The following APOBEC3F variants were observed in gnomAD, a reference collection of about 807,000 sequenced individuals.
The protein encoded by APOBEC3F is apolipoprotein B mRNA editing enzyme catalytic subunit 3F.
APOBEC3F carries 34 observed loss-of-function variants against 45.8 expected under a neutral mutation model. That is an observed-to-expected ratio of 0.74 (90% confidence interval 0.57 to 0.99). The LOEUF is 0.99. APOBEC3F is among the 50% of genes least tolerant of loss of function. The pLI is 0.00. For missense variants in APOBEC3F, 459 were observed against 474.1 expected (o/e 0.97, Z 0.30); for synonymous variants, 192 against 174.4 (o/e 1.10, Z -0.80).
intron 6 of APOBEC3F, 86 bp from the exon 7 acceptor site, chr22:39,052,491 C>T: frequency 6.4e-7 from 1 of 1,568,476 alleles, no homozygotes; most frequent in Non-Finnish European, 8.6e-7. Context: ...AACTGGCAGT[C>T]AGGAGACCTG....
rs1927602682 is a variant in APOBEC3F, at chr22:39,053,682, A to G, written c.*987A>G. ...GTTGAAATGGGTATGTAAGTTGAAA[A>G]CCAGAAGTTTTGAGAAACATCCTTT... is the stretch of plus-strand genomic sequence containing the variant. On this transcript the variant is annotated 3_prime_UTR_variant, in exon 7 of 7. Coordinates refer to ENST00000308521, the MANE Select transcript of APOBEC3F (RefSeq NM_145298.6). 1 of 152,170 alleles carries G rather than the reference A, an allele frequency of 6.6e-6. No homozygotes were observed. The highest frequency in any genetic ancestry group is 2.4e-5 in the African/African-American group (1 of 41,418). 9.4% of individuals were successfully genotyped at this position (152,170 alleles called of 1,614,324 possible).
At chr22:39,052,387 G>T (rs367554051) in intron 6 of APOBEC3F, 34 bp downstream of exon 6, 2 of 1,609,522 alleles carry the variant, frequency 1.2e-6, no homozygotes, top group African/African-American at 2.7e-5. Flanking sequence ...GAGTGGGTGC[G>T]GGAGGGACAG....
chr22:39,045,376 G>C (rs372970153), intron 3 of APOBEC3F, 52 bp from the exon 4 acceptor site: 2 of 1,613,150 alleles, frequency 1.2e-6, no homozygotes, highest in Non-Finnish European at 1.7e-6. Flanking sequence ...GCCTGGGAGC[G>C]CGGGCCCAGG....
rs1158533275 is a variant in APOBEC3F at position 39,054,175 on chromosome 22, G to C, written c.*1480G>C. On this transcript the variant is annotated 3_prime_UTR_variant, in exon 7 of 7. Transcript: ENST00000308521. ...TTACAGGCGTCCACCACCAAACCAG[G>C]CTAATTTTTGTATTTTTCATAAAAA... Among the ~76,000 whole-genome samples the C allele has an allele frequency of 6.6e-6, 1 of 151,884 alleles. No homozygotes were observed. The highest frequency in any genetic ancestry group is 2.4e-5 in the African/African-American group (1 of 41,344).
chr22:39,041,040 T>C, intron 1 of APOBEC3F, 63 bp downstream of exon 1: 1 of 1,557,300 alleles, frequency 6.4e-7, no homozygotes, highest in Non-Finnish European at 8.7e-7. Context: ...GTGGCTCTGC[T>C]GGGCGTCAGC....
intron 6 of APOBEC3F, 99 bp from the exon 7 acceptor site, chr22:39,052,478 T>C: frequency 6.4e-7 from 1 of 1,568,398 alleles, no homozygotes; most frequent in East Asian, 2.2e-5. Context: ...CAGTGTCCAC[T>C]GCAACTGGCA....
intron 3 of APOBEC3F, 82 bp downstream of exon 3, chr22:39,045,302 G>T: frequency 6.3e-7 from 1 of 1,595,202 alleles, no homozygotes; most frequent in South Asian, 1.1e-5. Context: ...ATGGCTGGGG[G>T]TGTCCCAGGG....
At chr22:39,046,208 C>G (rs564483559) in intron 4 of APOBEC3F, among the ~76,000 whole-genome samples, 9 of 152,258 alleles carry the variant, frequency 5.9e-5, no homozygotes, top group Admixed American at 6.5e-5. Flanking sequence ...TTTATGGACC[C>G]CAGTCAGACA....
chr22:39,049,548 T>C lies in APOBEC3F; in HGVS notation c.690T>C (p.Pro230=), dbSNP rs778451997. 5 of 1,613,958 alleles carry C rather than the reference T, an allele frequency of 3.1e-6. No homozygotes were observed. Among genetic ancestry groups the C allele is most frequent in the Non-Finnish European group, 4.2e-6 (5 of 1,180,024 alleles). The part of the protein sequence containing the change: ...FTMEVVKHHS[P]VSWKRGVFRN... ...TGGAAGTTGTAAAGCACCACTCACC[T>C]GTCTCCTGGAAGAGGGGCGTCTTCC... is the stretch of plus-strand genomic sequence containing the variant. Residue 230 remains proline (P), a synonymous_variant, in exon 5 of 7, where the codon CCT becomes CCC. Transcript: ENST00000308521.
chr22:39,043,008 G>A lies in APOBEC3F; in HGVS notation c.89G>A (p.Arg30Gln), dbSNP rs1326161089. The A allele has an allele frequency of 3.1e-6, 5 of 1,614,028 alleles. No homozygotes were observed. Among genetic ancestry groups the A allele is most frequent in the Admixed American group, 1.7e-5 (1 of 59,992 alleles). The stretch of plus-strand genomic sequence containing the variant: ...TATAATAGACCCATCCTTTCTCGTC[G>A]GAATACCGTCTGGCTGTGCTACGAA... Reference protein sequence around the residue: ...NFYNRPILSRRNTVWLCYEVK... With the variant: ...NFYNRPILSRQNTVWLCYEVK... Residue 30 changes from arginine to glutamine, a missense_variant, in exon 2 of 7, where the codon CGG becomes CAG. Transcript: ENST00000308521.
intron 2 of APOBEC3F, among the ~76,000 whole-genome samples, chr22:39,043,298 GT>G (rs386353176): frequency 0.5 from 59,407 of 119,626 alleles, 13,734 homozygotes; most frequent in East Asian, 0.64. Flanking sequence ...AAGGCCTTGT[GT>G]TTTTTTTTTT....
chr22:39,044,060 G>GC, intron 2 of APOBEC3F: 8 of 1,508,230 alleles, frequency 5.3e-6, no homozygotes, highest in African/African-American at 1.4e-5. Flanking sequence ...AGATAAATGA[G>GC]CGGTGTATGG....
rs544704322 is a variant in APOBEC3F, at chr22:39,053,401, G to A, written c.*706G>A. 3 of 149,652 alleles carry A rather than the reference G, an allele frequency of 2.0e-5. No homozygotes were observed. In the South Asian group the frequency reaches 6.4e-4, roughly 32 times the overall value. 9.3% of individuals were successfully genotyped at this position (149,652 alleles called of 1,614,324 possible). A position where few individuals can be genotyped will look rare whatever the true frequency, so the allele number is the denominator to read the frequency against. ...AGGTGAGAGAATCGCTTGAGCCCAG[G>A]AATTCGAGACCAGCCTGGGCCACAT... On this transcript the variant is annotated 3_prime_UTR_variant, in exon 7 of 7. Coordinates refer to ENST00000308521, the MANE Select transcript of APOBEC3F (RefSeq NM_145298.6).
intron 1 of APOBEC3F, among the ~76,000 whole-genome samples, chr22:39,041,275 C>T (rs974409324): frequency 7.9e-5 from 12 of 152,188 alleles, no homozygotes; most frequent in African/African-American, 2.2e-4. Flanking sequence ...GAGGGTGCTC[C>T]CTCTGTGTTC....
chr22:39,047,596 C>T (rs1333409295), intron 4 of APOBEC3F, among the ~76,000 whole-genome samples: 1 of 152,050 alleles, frequency 6.6e-6, no homozygotes, highest in Non-Finnish European at 1.5e-5. Flanking sequence ...CCTCCCCCTG[C>T]CCCTGCCCCA....
chr22:39,048,201 G>T (rs1927312684), intron 4 of APOBEC3F, among the ~76,000 whole-genome samples: 1 of 152,222 alleles, frequency 6.6e-6, no homozygotes, highest in Non-Finnish European at 1.5e-5. Flanking sequence ...GGCCTGTGAT[G>T]CAGAGGCTGG....
rs559822471 is a variant in APOBEC3F at position 39,047,276 on chromosome 22, G to A, written c.566+1734G>A. Among the ~76,000 whole-genome samples, 540 of 152,218 alleles carry A rather than the reference G, an allele frequency of 3.5e-3. 1 individual carries two copies. The highest frequency in any genetic ancestry group is 5.8e-3 in the Non-Finnish European group (391 of 67,996). On this transcript the variant is annotated intron_variant, in intron 4 of 6. Transcript: ENST00000308521. ...ACCACATAGCTACCGGGTGGGGGGC[G>A]TCCCTGGGATGATTCCTGAGGGCAG...
At position 39,045,512 on chromosome 22, in the gene APOBEC3F, T is replaced by C. The variant is rs761305665; in HGVS notation, c.536T>C (p.Phe179Ser). ...PWYKFDDNYA[F>S]LHRTLKEILR... The stretch of plus-strand genomic sequence containing the variant: ...TACAAATTCGATGACAATTATGCAT[T>C]CCTGCACCGCACGCTAAAGGAGATT... Residue 179 changes from phenylalanine to serine, a missense_variant, in exon 4 of 7, where the codon TTC becomes TCC. Phe to Ser is a radical substitution (Grantham distance 155). Coordinates refer to ENST00000308521, the MANE Select transcript of APOBEC3F (RefSeq NM_145298.6). 107 of 1,614,038 alleles carry C rather than the reference T, an allele frequency of 6.6e-5. No individual in the cohort carries two copies. In the East Asian group the frequency reaches 1.4e-3, roughly 21 times the overall value.
chr22:39,054,676 C>T lies in APOBEC3F; in HGVS notation c.*1981C>T, dbSNP rs1927636173. On this transcript the variant is annotated 3_prime_UTR_variant, in exon 7 of 7. Transcript: ENST00000308521. Reference sequence around the variant, plus strand: ...GTCTCTGTTCTCCCAACATGGTGAACACCACCCGGACTGCGTGTATGTCCC... The same window carrying T: ...GTCTCTGTTCTCCCAACATGGTGAATACCACCCGGACTGCGTGTATGTCCC... Among the ~76,000 whole-genome samples, 1 of 152,262 alleles carries T rather than the reference C, an allele frequency of 6.6e-6. No individual in the cohort carries two copies. Among genetic ancestry groups the T allele is most frequent in the Admixed American group, 6.5e-5 (1 of 15,286 alleles).
Sources: allele counts gnomAD v4.1 joint callset (sites outside exome capture counted in the v4.1 genomes callset), GRCh38; gene constraint gnomAD v4.1.1; transcripts MANE v1.5; gene names NCBI Gene and HGNC (gene_info 2026-07-23, HGNC 2026-07-21).